Variants in CHAF1A observed in about 807,000 individuals in gnomAD.
The protein encoded by CHAF1A is CAF-1 subunit A.
In CHAF1A, 5 loss-of-function variants were observed where a neutral mutation model predicts 93.2. The observed-to-expected ratio is 0.05, with a 90% CI of 0.03 to 0.11. CHAF1A has a LOEUF of 0.11. Ranked by LOEUF, CHAF1A falls within the 10% of genes least tolerant of loss-of-function variation. The pLI is 1.00. For missense variants in CHAF1A, 1,102 were observed against 1,259.9 expected, an observed-to-expected ratio of 0.87 and a Z score of 1.90; for synonymous variants, 504 against 510.3, an observed-to-expected ratio of 0.99 and a Z score of 0.17.
At chr19:4,408,330 A>G (rs1316937961) in intron 2 of CHAF1A, among the ~76,000 whole-genome samples, 9 of 150,814 alleles carry the variant, frequency 6.0e-5, no homozygotes, top group Non-Finnish European at 1.3e-4. Flanking sequence ...GTAGCTGGGA[A>G]TGCAGGCGCC....
In CHAF1A at chr19:4,432,132, T is replaced by G; in HGVS notation, c.2128T>G (p.Cys710Gly). 6.2e-7 allele frequency: 1 copy of G among 1,613,560 alleles called. No homozygotes were observed. Among genetic ancestry groups the G allele is most frequent in the Non-Finnish European group, 8.5e-7 (1 of 1,179,916 alleles). Residue 710 changes from cysteine (C) to glycine (G), a missense_variant, in exon 12 of 15, where the codon TGC becomes GGC. Transcript: ENST00000301280. ...DLKVLQQFAA[C>G]FLETLPAQEE... ...GAAGGTACTGCAGCAGTTCGCAGCC[T>G]GCTTCCTGGAGACCCTGCCGGCCCA...
At chr19:4,426,601 A>G (rs1599652712) in intron 7 of CHAF1A, among the ~76,000 whole-genome samples, 2 of 151,980 alleles carry the variant, frequency 1.3e-5, no homozygotes, top group East Asian at 3.9e-4. Flanking sequence ...CAGCCTCCCG[A>G]GTAGCTGAGA....
chr19:4,446,243 C>A, downstream of CHAF1A: 1 of 1,570,642 alleles, frequency 6.4e-7, no homozygotes, highest in Non-Finnish European at 8.6e-7. Context: ...GGGCCCCCTA[C>A]CAACCCGAGC....
chr19:4,445,881 C>T (rs919029717), downstream of CHAF1A: 5 of 1,195,700 alleles, frequency 4.2e-6, no homozygotes, highest in African/African-American at 7.7e-5. Context: ...TATGAACTTG[C>T]TCGAGGCCCT....
In CHAF1A at chr19:4,428,801, G is replaced by A. The variant is rs1308887673; in HGVS notation, c.1515G>A (p.Glu505=). The A allele has an allele frequency of 1.2e-6, 2 of 1,614,070 alleles. No homozygotes were observed. Among genetic ancestry groups the A allele is most frequent in the Non-Finnish European group, 1.7e-6 (2 of 1,180,028 alleles). The change falls in exon 8 of 15, where the codon GAG becomes GAA. Residue 505 remains glutamate (E), a synonymous_variant. Transcript: ENST00000301280. ...AGCTCCTCCAGCAGCAGAGCGGCGAGTTCTCCTTCTTGAAAGACCTCAAAG... is the reference window on the plus strand; with the variant it reads ...AGCTCCTCCAGCAGCAGAGCGGCGAATTCTCCTTCTTGAAAGACCTCAAAG... ...LDQLLQQQSG[E]FSFLKDLKGR...
chr19:4,446,772 C>A, downstream of CHAF1A: 1 of 1,612,380 alleles, frequency 6.2e-7, no homozygotes, highest in Non-Finnish European at 8.5e-7. Flanking sequence ...ACCCCCAAGC[C>A]GGGCCCTCCT....
At chr19:4,429,014 C>T (rs1325886145) in intron 8 of CHAF1A, 124 bp downstream of exon 8, 10 of 733,208 alleles carry the variant, frequency 1.4e-5, no homozygotes, top group Middle Eastern at 2.6e-4. Flanking sequence ...TGCCCTCGGG[C>T]CCTGGGCTTC....
At chr19:4,446,015 C>T (rs1294869392), downstream of CHAF1A, 7 of 1,574,554 alleles carry the variant, frequency 4.4e-6, no homozygotes, top group East Asian at 2.3e-5. Context: ...GCAGAGGCAT[C>T]GGGTCAGCGG....
In CHAF1A at chr19:4,433,619, G is replaced by A. The variant is rs537543481; in HGVS notation, c.2673+80G>A. The A allele has an allele frequency of 6.3e-5, 71 of 1,134,376 alleles. No individual in the cohort carries two copies. Among genetic ancestry groups the A allele is most frequent in the African/African-American group, 1.1e-4 (7 of 63,418 alleles). 70.3% of individuals were successfully genotyped at this position (1,134,376 alleles called of 1,614,324 possible). ...TTTTTTGTTGTTTTGTTTTTTTTTC[G>A]AGATGGAGTCCTGCTCTGTCACCCA... On this transcript the variant is annotated intron_variant, in intron 13 of 14. Coordinates refer to ENST00000301280, the MANE Select transcript of CHAF1A (RefSeq NM_005483.3). This position sits in a 1 kb window ranked among gnomAD's most constrained non-coding sequence, Gnocchi z 5.6.
At chr19:4,447,693 G>T, downstream of CHAF1A, 1 of 1,518,064 alleles carries the variant, frequency 6.6e-7, no homozygotes, top group Non-Finnish European at 9.1e-7. Context: ...TGTGCCTCCT[G>T]CTCCAGGTAA....
At chr19:4,447,816 A>C, downstream of CHAF1A, 2 of 602,776 alleles carry the variant, frequency 3.3e-6, no homozygotes, top group Non-Finnish European at 6.0e-6. Context: ...CATGGAGCCC[A>C]CCCCTGGTGC....
At position 4,426,803 on chromosome 19, in the gene CHAF1A, C is replaced by T. The variant is rs1206404265; in HGVS notation, c.1378-1861C>T. ...TGTCTTTCATTATACTGAAATTTCTCCTTTTGGCCAGGTGCGGTGGCTTAT... is the reference window on the plus strand; with the variant it reads ...TGTCTTTCATTATACTGAAATTTCTTCTTTTGGCCAGGTGCGGTGGCTTAT... On this transcript the variant is annotated intron_variant, in intron 7 of 14. Transcript: ENST00000301280. Among the ~76,000 whole-genome samples, 5 of 152,206 alleles carry T rather than the reference C, an allele frequency of 3.3e-5. No individual in the cohort carries two copies. The East Asian group carries it at 9.7e-4, about 30-fold the overall frequency.
chr19:4,408,395 T>C (rs1599636996), intron 2 of CHAF1A, among the ~76,000 whole-genome samples: 1 of 148,328 alleles, frequency 6.7e-6, no homozygotes, highest in East Asian at 2.0e-4. Flanking sequence ...GGTTTCACCG[T>C]GTTAGCCAGG....
At position 4,422,494 on chromosome 19, in the gene CHAF1A, C is replaced by T; in HGVS notation, c.1018-72C>T. The T allele has an allele frequency of 2.2e-6, 3 of 1,367,560 alleles. No individual in the cohort carries two copies. The highest frequency in any genetic ancestry group is 3.0e-6 in the Non-Finnish European group (3 of 983,654). The allele number at this position is 1,367,560 out of a possible 1,614,324, so 84.7% of individuals were successfully genotyped here. On this transcript the variant is annotated intron_variant, in intron 4 of 14. Transcript: ENST00000301280. The surrounding 1 kb of genome is among the most constrained non-coding windows in gnomAD (Gnocchi z 4.6). ...ATCCCGTCCAGGCCGTGCTGTCCTCCATGCTGTGAACCGAGCTTCCTCCTG... is the reference window on the plus strand; with the variant it reads ...ATCCCGTCCAGGCCGTGCTGTCCTCTATGCTGTGAACCGAGCTTCCTCCTG...
At chr19:4,436,869 G>A (rs757220398) in intron 13 of CHAF1A, among the ~76,000 whole-genome samples, 1 of 152,160 alleles carries the variant, frequency 6.6e-6, no homozygotes, top group African/African-American at 2.4e-5. Context: ...CCGGAAAATA[G>A]CGCCCTGAGC....
At chr19:4,441,634 T>C (rs1974390564) in intron 13 of CHAF1A, among the ~76,000 whole-genome samples, 2 of 146,934 alleles carry the variant, frequency 1.4e-5, no homozygotes, top group Admixed American at 1.4e-4. Context: ...AGGCCAGGCA[T>C]GGTGGCTCAC....
chr19:4,426,351 T>G (rs1974081122), intron 7 of CHAF1A, among the ~76,000 whole-genome samples: 1 of 151,842 alleles, frequency 6.6e-6, no homozygotes, highest in Non-Finnish European at 1.5e-5. Context: ...GTATTTTTAG[T>G]AGAGACGGGG....
chr19:4,406,729 G>A (rs759721354), intron 2 of CHAF1A, among the ~76,000 whole-genome samples: 2 of 152,076 alleles, frequency 1.3e-5, no homozygotes, highest in Admixed American at 1.3e-4. Flanking sequence ...CACCGCACCC[G>A]GCCCAGATTG....
downstream of CHAF1A, chr19:4,449,783 G>C (rs977889224): frequency 2.6e-5 from 4 of 152,130 alleles, no homozygotes; most frequent in African/African-American, 9.7e-5. Context: ...AAAGACAGGT[G>C]CTCTCGACAG....
Sources: gnomAD v4.1 joint callset for allele counts (sites outside exome capture counted in the v4.1 genomes callset) on GRCh38, gnomAD v4.1.1 for gene constraint, Gnocchi (gnomAD v3.1) non-coding constraint, MANE v1.5 for transcripts, NCBI Gene and HGNC (gene_info 2026-07-23, HGNC 2026-07-21) for gene names.